The following ZIK1 variants were observed in gnomAD, a reference collection of about 807,000 sequenced individuals.
ZIK1 encodes the protein zinc finger protein interacting with ribonucleoprotein K.
ZIK1 carries 12 observed loss-of-function variants against 10.7 expected under a neutral mutation model. The ratio of observed to expected loss-of-function variants is 1.12; its 90% CI spans 0.72 to 1.81. The LOEUF is 1.81. ZIK1 is among the 40% of genes most tolerant of loss of function. The pLI, the probability that ZIK1 is intolerant of heterozygous loss-of-function variation, is 0.00. For synonymous variants in ZIK1, 190 were observed against 205.0 expected (o/e 0.93, Z 0.63); for missense variants, 497 against 585.7 (o/e 0.85, Z 1.56).
intron 2 of ZIK1, among the ~76,000 whole-genome samples, chr19:57,587,743 C>A (rs1008922725): frequency 6.6e-6 from 1 of 152,114 alleles, no homozygotes; most frequent in African/African-American, 2.4e-5. Context: ...TAAAAACTCG[C>A]CAGGAATTTG....
chr19:57,586,189 G>A (rs1475698046), intron 2 of ZIK1, among the ~76,000 whole-genome samples: 1 of 152,178 alleles, frequency 6.6e-6, no homozygotes, highest in Non-Finnish European at 1.5e-5. Context: ...CCAAAAGGTG[G>A]TGGCCAGTGT....
intron 1 of ZIK1, chr19:57,584,674 G>C (rs770485438): frequency 3.6e-5 from 49 of 1,360,928 alleles, no homozygotes; most frequent in Non-Finnish European, 4.6e-5. Flanking sequence ...GTACAGAAGC[G>C]GCATATGGTC....
chr19:57,584,590 A>C (rs1300027977), intron 1 of ZIK1: 1 of 1,404,394 alleles, frequency 7.1e-7, no homozygotes, highest in East Asian at 2.7e-5. Context: ...ACAGTGAAGA[A>C]GGTTCATACC....
chr19:57,584,239 G>C lies in ZIK1; in HGVS notation c.-118G>C. 3 of 1,452,624 alleles carry C rather than the reference G, an allele frequency of 2.1e-6. No homozygotes were observed. The highest frequency in any genetic ancestry group is 2.7e-6 in the Non-Finnish European group (3 of 1,097,626). The allele number at this position is 1,452,624 out of a possible 1,614,324, so 90.0% of individuals were successfully genotyped here. Reference sequence around the variant, plus strand: ...GACAGTCGGAAGGCGCGAGGGGAGGGGTCCTCCCGCTGAACAGTGGGGGTT... The same window carrying C: ...GACAGTCGGAAGGCGCGAGGGGAGGCGTCCTCCCGCTGAACAGTGGGGGTT... On this transcript the variant is annotated 5_prime_UTR_variant, in exon 1 of 4. Transcript: ENST00000597850.
rs1225593257 is a variant in ZIK1, at chr19:57,593,071, A to C, written c.*1796A>C. 1.4e-5 allele frequency: 2 copies of C among 144,366 alleles called. No homozygotes were observed. Among genetic ancestry groups the C allele is most frequent in the Admixed American group, 1.4e-4 (2 of 14,478 alleles). 8.9% of individuals were successfully genotyped at this position (144,366 alleles called of 1,614,324 possible). On this transcript the variant is annotated 3_prime_UTR_variant, in exon 4 of 4. Coordinates refer to ENST00000597850, the MANE Select transcript of ZIK1 (RefSeq NM_001010879.4). ...AATTTTTTTTTTTTTTTTGAGATGGAGTCTCAGTCTGTCACCAGGCTGGAG... is the reference window on the plus strand; with the variant it reads ...AATTTTTTTTTTTTTTTTGAGATGGCGTCTCAGTCTGTCACCAGGCTGGAG...
intron 2 of ZIK1, among the ~76,000 whole-genome samples, chr19:57,587,078 C>T (rs1979227559): frequency 6.6e-6 from 1 of 152,168 alleles, no homozygotes; most frequent in Admixed American, 6.5e-5. Flanking sequence ...TTCAGGGGAA[C>T]TCCCCCCTTA....
chr19:57,584,441 C>T (rs758597016), intron 1 of ZIK1, 52 bp downstream of exon 1: 1 of 1,587,332 alleles, frequency 6.3e-7, no homozygotes, highest in Admixed American at 1.7e-5. Flanking sequence ...TTAGTGCCTT[C>T]TTGGGTCACT....
At chr19:57,589,132 G>A (rs947487905) in intron 3 of ZIK1, 9 of 292,380 alleles carry the variant, frequency 3.1e-5, no homozygotes, top group East Asian at 1.7e-4. Flanking sequence ...GTGCTGAGTC[G>A]TTCTGCATCA....
intron 2 of ZIK1, among the ~76,000 whole-genome samples, chr19:57,585,695 T>C (rs529475017): frequency 6.6e-6 from 1 of 152,196 alleles, no homozygotes; most frequent in South Asian, 2.1e-4. Context: ...AGGATTGATT[T>C]TATTTTTATT....
rs1023562826 is a variant in ZIK1, at chr19:57,584,566, A to G, written c.33+177A>G. 8 of 1,410,466 alleles carry G rather than the reference A, an allele frequency of 5.7e-6. No individual in the cohort carries two copies. The East Asian group carries it at 1.3e-4, about 24-fold the overall frequency. 87.4% of individuals were successfully genotyped at this position (1,410,466 alleles called of 1,614,324 possible). On this transcript the variant is annotated intron_variant, in intron 1 of 3. Transcript: ENST00000597850. ...TACAGGCAAAGGGACCAGCGTTTCT[A>G]AACTCTTGGAGACACAGTGAAGAAG...
rs528445575 is a variant in ZIK1, at chr19:57,592,987, C to G, written c.*1712C>G. On this transcript the variant is annotated 3_prime_UTR_variant, in exon 4 of 4. Coordinates refer to ENST00000597850, the MANE Select transcript of ZIK1 (RefSeq NM_001010879.4). ...CCTACAGGAGAATAGTTTGTGTTTTCTAGGATTTTATGTGAATTGAAACGT... is the reference window on the plus strand; with the variant it reads ...CCTACAGGAGAATAGTTTGTGTTTTGTAGGATTTTATGTGAATTGAAACGT... 4 of 151,772 alleles carry G rather than the reference C, an allele frequency of 2.6e-5. No individual in the cohort carries two copies. The highest frequency in any genetic ancestry group is 9.7e-5 in the African/African-American group (4 of 41,360). The allele number at this position is 151,772 out of a possible 1,614,324, so 9.4% of individuals were successfully genotyped here.
chr19:57,588,501 G>A, intron 2 of ZIK1, 38 bp from the exon 3 acceptor site: 1 of 1,400,822 alleles, frequency 7.1e-7, no homozygotes, highest in Non-Finnish European at 9.4e-7. Context: ...AACTTGTGGA[G>A]GCGTTGATTG....
At position 57,584,255 on chromosome 19, in the gene ZIK1, A is replaced by G. The variant is rs1203056622; in HGVS notation, c.-102A>G. On this transcript the variant is annotated 5_prime_UTR_variant, in exon 1 of 4. Transcript: ENST00000597850. ...GAGGGGAGGGGTCCTCCCGCTGAAC[A>G]GTGGGGGTTCTAAGGGTCGGCGGCG... 2 of 1,493,410 alleles carry G rather than the reference A, an allele frequency of 1.3e-6. No individual in the cohort carries two copies. The highest frequency in any genetic ancestry group is 1.8e-6 in the Non-Finnish European group (2 of 1,119,616). 92.5% of individuals were successfully genotyped at this position (1,493,410 alleles called of 1,614,324 possible). A position where few individuals can be genotyped will look rare whatever the true frequency, so the allele number is the denominator to read the frequency against.
Position 57,591,394 on chromosome 19 carries a change from T to C in ZIK1, c.*119T>C. On this transcript the variant is annotated 3_prime_UTR_variant, in exon 4 of 4. Coordinates refer to ENST00000597850, the MANE Select transcript of ZIK1 (RefSeq NM_001010879.4). ...ACCTACAGGGAAAGTGCTGTCTCTG[T>C]AGTATTGTAGCAGTAGAGAGCCTTT... The C allele has an allele frequency of 9.7e-7, 1 of 1,029,220 alleles. No individual in the cohort carries two copies. The highest frequency in any genetic ancestry group is 1.4e-6 in the Non-Finnish European group (1 of 718,640). The allele number at this position is 1,029,220 out of a possible 1,614,324, so 63.8% of individuals were successfully genotyped here. A position where few individuals can be genotyped will look rare whatever the true frequency, so the allele number is the denominator to read the frequency against.
Position 57,584,518 on chromosome 19 carries a change from G to C in ZIK1, c.33+129G>C, listed in dbSNP as rs1408059109. The C allele has an allele frequency of 2.8e-6, 4 of 1,433,422 alleles. No individual in the cohort carries two copies. The African/African-American group carries it at 5.8e-5, about 21-fold the overall frequency. 88.8% of individuals were successfully genotyped at this position (1,433,422 alleles called of 1,614,324 possible). A position where few individuals can be genotyped will look rare whatever the true frequency, so the allele number is the denominator to read the frequency against. Reference sequence around the variant, plus strand: ...GTGGGGTCCCTATTTCCAGAACTTGGGTGATGGGGCACGGAAGAGGGTTAC... The same window carrying C: ...GTGGGGTCCCTATTTCCAGAACTTGCGTGATGGGGCACGGAAGAGGGTTAC... On this transcript the variant is annotated intron_variant, in intron 1 of 3. Transcript: ENST00000597850.
In ZIK1 at chr19:57,591,408, T is replaced by A; in HGVS notation, c.*133T>A. ...TGCTGTCTCTGTAGTATTGTAGCAGTAGAGAGCCTTTGTGAGGGAGCCATC... is the reference window on the plus strand; with the variant it reads ...TGCTGTCTCTGTAGTATTGTAGCAGAAGAGAGCCTTTGTGAGGGAGCCATC... On this transcript the variant is annotated 3_prime_UTR_variant, in exon 4 of 4. Transcript: ENST00000597850. The A allele has an allele frequency of 3.3e-6, 3 of 915,406 alleles. No homozygotes were observed. The highest frequency in any genetic ancestry group is 2.6e-5 in the East Asian group (1 of 38,060). 56.7% of individuals were successfully genotyped at this position (915,406 alleles called of 1,614,324 possible). A position where few individuals can be genotyped will look rare whatever the true frequency, so the allele number is the denominator to read the frequency against.
chr19:57,586,065 G>A (rs1467352092), intron 2 of ZIK1, among the ~76,000 whole-genome samples: 1 of 151,924 alleles, frequency 6.6e-6, no homozygotes, highest in Non-Finnish European at 1.5e-5. Flanking sequence ...CAGGAGTTTT[G>A]TCTTTAGCTA....
chr19:57,584,369 G>T lies in ZIK1; in HGVS notation c.13G>T (p.Ala5Ser), dbSNP rs769891936. MAAAALRAPTQVTVS... is the reference protein window; with the variant it reads MAAASLRAPTQVTVS... ...CCCACAGACTCCGATGGCTGCGGCC[G>T]CGCTGAGGGCCCCGACTCAGGTGAG... Residue 5 changes from alanine (A) to serine (S), a missense_variant, in exon 1 of 4, where the codon GCG becomes TCG. By Grantham distance (99) the Ala-to-Ser change is moderately conservative. Transcript: ENST00000597850. The T allele has an allele frequency of 6.2e-7, 1 of 1,604,888 alleles. No homozygotes were observed. Among genetic ancestry groups the T allele is most frequent in the Non-Finnish European group, 8.5e-7 (1 of 1,176,580 alleles).
chr19:57,586,068 T>C (rs1023473223), intron 2 of ZIK1, among the ~76,000 whole-genome samples: 1 of 152,050 alleles, frequency 6.6e-6, no homozygotes, highest in African/African-American at 2.4e-5. Flanking sequence ...GAGTTTTGTC[T>C]TTAGCTATTA....
Sources: gnomAD v4.1 joint callset for allele counts (sites outside exome capture counted in the v4.1 genomes callset) on GRCh38, gnomAD v4.1.1 for gene constraint, MANE v1.5 for transcripts, NCBI Gene and HGNC (gene_info 2026-07-23, HGNC 2026-07-21) for gene names.